Variants in LPA observed in about 807,000 individuals in gnomAD.
LPA encodes the protein apolipoprotein(a).
A neutral mutation model predicts 197.9 loss-of-function variants in LPA; 199 were observed. The ratio of observed to expected loss-of-function variants is 1.01; its 90% CI spans 0.90 to 1.13. The LOEUF is 1.13. Among genes scored for constraint, LPA ranks in the 50% most tolerant of loss-of-function variants. The pLI, the probability that LPA is intolerant of heterozygous loss-of-function variation, is 0.00. For synonymous variants in LPA, 715 were observed against 639.5 expected (o/e 1.12, Z -1.78); for missense variants, 1,853 against 1,785.8 (o/e 1.04, Z -0.68).
At chr6:160,657,814 C>T (rs1052383732) in intron 1 of LPA, among the ~76,000 whole-genome samples, 8 of 152,200 alleles carry the variant, frequency 5.3e-5, no homozygotes, top group Non-Finnish European at 7.3e-5. Flanking sequence ...ACCATTATCC[C>T]TTACCCTTAA....
chr6:160,599,408 T>C (rs1779194413), intron 20 of LPA, 92 bp downstream of exon 20: 1 of 1,556,448 alleles, frequency 6.4e-7, no homozygotes, highest in East Asian at 2.2e-5. Flanking sequence ...CTGAGCCAAG[T>C]TGAGTCCTGA....
intron 2 of LPA, among the ~76,000 whole-genome samples, chr6:160,648,967 T>A (rs1364670220): frequency 6.6e-6 from 1 of 152,164 alleles, no homozygotes; most frequent in African/African-American, 2.4e-5. Flanking sequence ...AGTCAAGTTT[T>A]ATATTTAGGC....
At chr6:160,555,025 T>C (rs1333280121) in intron 30 of LPA, among the ~76,000 whole-genome samples, 2 of 151,996 alleles carry the variant, frequency 1.3e-5, no homozygotes, top group Non-Finnish European at 2.9e-5. Flanking sequence ...GGAAAGTGTT[T>C]TTTAATATCT....
chr6:160,584,940 G>T, intron 26 of LPA, 106 bp downstream of exon 26: 7 of 1,168,504 alleles, frequency 6.0e-6, no homozygotes, highest in Non-Finnish European at 7.7e-6. Flanking sequence ...TACAAACTCT[G>T]AGTCTATGAG....
At chr6:160,576,340 G>GTA (rs71542980) in intron 28 of LPA, among the ~76,000 whole-genome samples, 585 of 40,286 alleles carry the variant, frequency 0.015, 10 homozygotes, top group Non-Finnish European at 0.02. Context: ...GTGTGTGTGT[G>GTA]TATATATATA....
At chr6:160,611,501 C>A (rs569787069) in intron 16 of LPA, 61 bp downstream of exon 16, 3 of 1,597,688 alleles carry the variant, frequency 1.9e-6, no homozygotes, top group Non-Finnish European at 2.6e-6. Flanking sequence ...TGAAGCATGT[C>A]TCTTGTCACA....
intron 16 of LPA, among the ~76,000 whole-genome samples, chr6:160,609,696 A>C (rs1196475659): frequency 6.6e-6 from 1 of 151,728 alleles, no homozygotes; most frequent in African/African-American, 2.4e-5. Context: ...AAATCTTCTT[A>C]TATTTTCCTG....
chr6:160,586,314 T>C, intron 25 of LPA, 135 bp downstream of exon 25: 1 of 1,030,824 alleles, frequency 9.7e-7, no homozygotes, highest in Non-Finnish European at 1.4e-6. Context: ...GCACTGAAGC[T>C]TCCTTCCCAT....
intron 18 of LPA, among the ~76,000 whole-genome samples, chr6:160,604,823 C>T (rs1207997800): frequency 6.6e-6 from 1 of 152,102 alleles, no homozygotes; most frequent in East Asian, 1.9e-4. Context: ...ATATCCTTGC[C>T]TCCAGATACC....
At chr6:160,603,908 G>C (rs1261702152) in intron 18 of LPA, among the ~76,000 whole-genome samples, 1 of 152,070 alleles carries the variant, frequency 6.6e-6, no homozygotes, top group African/African-American at 2.4e-5. Flanking sequence ...GTATTCCCAA[G>C]AGGTTCAGTG....
chr6:160,608,414 G>A (rs1189797926), intron 16 of LPA, among the ~76,000 whole-genome samples: 2 of 152,028 alleles, frequency 1.3e-5, no homozygotes, highest in East Asian at 1.9e-4. Context: ...TAACATTCCC[G>A]GTATCTGGCT....
chr6:160,553,318 T>C (rs1011001907), intron 30 of LPA, among the ~76,000 whole-genome samples: 1 of 152,216 alleles, frequency 6.6e-6, no homozygotes, highest in Non-Finnish European at 1.5e-5. Context: ...TCTGGTATTA[T>C]TTTTCTTCTA....
chr6:160,603,725 G>GT (rs1205679741), intron 18 of LPA, among the ~76,000 whole-genome samples: 1 of 152,174 alleles, frequency 6.6e-6, no homozygotes, highest in African/African-American at 2.4e-5. Context: ...ACTTGACTTT[G>GT]TTGTTTACCT....
chr6:160,609,844 G>C (rs1779449264), intron 16 of LPA, among the ~76,000 whole-genome samples: 1 of 151,938 alleles, frequency 6.6e-6, no homozygotes, highest in South Asian at 2.1e-4. Flanking sequence ...ATGTGTGTGT[G>C]TGTGGCTCAT....
intron 32 of LPA, among the ~76,000 whole-genome samples, chr6:160,547,059 C>G (rs762187619): frequency 1.3e-5 from 2 of 152,084 alleles, no homozygotes; most frequent in African/African-American, 4.8e-5. Context: ...TTTCTGTGCA[C>G]CTGGGGTGAG....
At chr6:160,583,726 C>CA (rs1778843084) in intron 26 of LPA, among the ~76,000 whole-genome samples, 1 of 152,082 alleles carries the variant, frequency 6.6e-6, no homozygotes, top group African/African-American at 2.4e-5. Flanking sequence ...AATACTTTCT[C>CA]ATTATTACCT....
At chr6:160,600,882 A>T (rs1779226742) in intron 19 of LPA, 35 bp downstream of exon 19, 4 of 1,608,952 alleles carry the variant, frequency 2.5e-6, no homozygotes, top group Non-Finnish European at 3.4e-6. Context: ...TCATCCCAGC[A>T]TCCAAGCAGG....
chr6:160,611,028 G>C (rs771690000), intron 16 of LPA, among the ~76,000 whole-genome samples: 2 of 151,980 alleles, frequency 1.3e-5, no homozygotes, highest in Non-Finnish European at 2.9e-5. Flanking sequence ...TTCCTTCCTT[G>C]GATCTTCTCT....
intron 20 of LPA, among the ~76,000 whole-genome samples, chr6:160,597,905 A>G (rs1028447077): frequency 4.6e-5 from 7 of 152,202 alleles, no homozygotes; most frequent in African/African-American, 1.7e-4. Flanking sequence ...TTTGTTGTTC[A>G]CCTGTAAAGA....
Sources: allele counts gnomAD v4.1 joint callset (sites outside exome capture counted in the v4.1 genomes callset), GRCh38; gene constraint gnomAD v4.1.1; transcripts MANE v1.5; gene names NCBI Gene and HGNC (gene_info 2026-07-23, HGNC 2026-07-21).